The following PHC3 variants were observed in gnomAD, a reference collection of about 807,000 sequenced individuals.
PHC3 encodes the protein polyhomeotic-like protein 3.
PHC3 carries 13 observed loss-of-function variants against 107.4 expected under a neutral mutation model. The observed-to-expected ratio is 0.12, with a 90% CI of 0.08 to 0.19. The LOEUF (loss-of-function observed/expected upper bound fraction) is 0.19. PHC3 is among the 10% of genes least tolerant of loss of function. The pLI, the probability that PHC3 is intolerant of heterozygous loss-of-function variation, is 1.00. For synonymous variants in PHC3, 456 were observed against 427.4 expected (o/e 1.07, Z -0.83); for missense variants, 992 against 1,210.9 (o/e 0.82, Z 2.68).
chr3:170,120,591 A>G (rs1241869236), intron 9 of PHC3, among the ~76,000 whole-genome samples: 2 of 152,150 alleles, frequency 1.3e-5, no homozygotes, highest in Non-Finnish European at 2.9e-5. Context: ...AAACAATAAT[A>G]TAAAACTCAC....
chr3:170,177,358 C>A (rs555290895), intron 2 of PHC3, among the ~76,000 whole-genome samples: 130 of 152,218 alleles, frequency 8.5e-4, no homozygotes, highest in African/African-American at 2.7e-3. Context: ...AATGTAAGCC[C>A]TCTCAATACT....
At position 170,095,147 on chromosome 3, in the gene PHC3, G is replaced by C. The variant is rs918608841; in HGVS notation, c.*2083C>G. 1 of 152,038 alleles carries C rather than the reference G, an allele frequency of 6.6e-6. No homozygotes were observed. The highest frequency in any genetic ancestry group is 2.4e-5 in the African/African-American group (1 of 41,410). 9.4% of individuals were successfully genotyped at this position (152,038 alleles called of 1,614,324 possible). On this transcript the variant is annotated 3_prime_UTR_variant, in exon 15 of 15. Transcript: ENST00000495893. ...TTTGTGTTCTGAAATTCCAAGAAGAGGGAAAAGTCAAGCATATGACAATTC... is the reference window on the plus strand; with the variant it reads ...TTTGTGTTCTGAAATTCCAAGAAGACGGAAAAGTCAAGCATATGACAATTC...
chr3:170,179,330 C>T (rs919075810), intron 1 of PHC3, among the ~76,000 whole-genome samples: 6 of 152,260 alleles, frequency 3.9e-5, no homozygotes, highest in Middle Eastern at 3.4e-3. Context: ...CTTTTGACCA[C>T]ACTAATTACA....
In PHC3 at chr3:170,106,916, A is replaced by G; in HGVS notation, c.2384T>C (p.Leu795Pro). The G allele has an allele frequency of 1.2e-6, 2 of 1,611,138 alleles. No individual in the cohort carries two copies. The highest frequency in any genetic ancestry group is 1.7e-6 in the Non-Finnish European group (2 of 1,178,924). Residue 795 changes from leucine to proline, a missense_variant, in exon 12 of 15, where the codon CTC (leucine) becomes CCC (proline). Transcript: ENST00000495893. ...CATTTTCCCACAGAATTCACACTTGAGCAACTCACTGTCCATTTCTTCTAA... is the reference window on the plus strand; with the variant it reads ...CATTTTCCCACAGAATTCACACTTGGGCAACTCACTGTCCATTTCTTCTAA... ...ETLEEMDSEL[L>P]KCEFCGKMGY... is the part of the protein sequence containing the mutation.
chr3:170,115,877 T>TCACACACACACACACACACACA lies in PHC3; in HGVS notation c.2193+1327_2193+1348dup, dbSNP rs148039100. On this transcript the variant is annotated intron_variant, in intron 10 of 14. Coordinates refer to ENST00000495893, the MANE Select transcript of PHC3 (RefSeq NM_024947.4). ...AATTGTTATAGGAAATCCAAGTTTC[T>TCACACACACACACACACACACA]CACACACACACACACACACACACAC... is the stretch of plus-strand genomic sequence containing the variant. Among the ~76,000 whole-genome samples the TCACACACACACACACACACACA allele has an allele frequency of 4.0e-4, 59 of 148,572 alleles. No individual in the cohort carries two copies. The East Asian group carries it at 7.5e-3, about 19-fold the overall frequency.
rs1171160396 is a variant in PHC3 at position 170,093,786 on chromosome 3, G to A, written c.*3444C>T. 11 of 152,208 alleles carry A rather than the reference G, an allele frequency of 7.2e-5. No homozygotes were observed. Among genetic ancestry groups the A allele is most frequent in the Middle Eastern group, 6.8e-3 (2 of 294 alleles). The allele number at this position is 152,208 out of a possible 1,614,324, so 9.4% of individuals were successfully genotyped here. On this transcript the variant is annotated 3_prime_UTR_variant, in exon 15 of 15. Coordinates refer to ENST00000495893, the MANE Select transcript of PHC3 (RefSeq NM_024947.4). ...TACTTGATACATGAAGATAAGCTAC[G>A]TCAAAAATTATTCAAAGGCATGATC...
intron 10 of PHC3, among the ~76,000 whole-genome samples, chr3:170,115,680 C>T (rs987168821): frequency 6.6e-6 from 1 of 152,126 alleles, no homozygotes; most frequent in Non-Finnish European, 1.5e-5. Context: ...AGGTACCATA[C>T]AGAATAATTT....
chr3:170,101,867 A>G (rs1213332537), intron 14 of PHC3, among the ~76,000 whole-genome samples: 1 of 152,096 alleles, frequency 6.6e-6, no homozygotes, highest in Non-Finnish European at 1.5e-5. Context: ...AGTTACCCTC[A>G]ATATTAGAAT....
chr3:170,175,849 G>A, intron 2 of PHC3, among the ~76,000 whole-genome samples: 1 of 151,770 alleles, frequency 6.6e-6, no homozygotes, highest in Non-Finnish European at 1.5e-5. Context: ...GCTTGGACCA[G>A]GGAGGCAGAG....
intron 7 of PHC3, 45 bp from the exon 8 acceptor site, chr3:170,129,597 A>G: frequency 6.6e-7 from 1 of 1,519,908 alleles, no homozygotes; most frequent in South Asian, 1.3e-5. Flanking sequence ...TCAAAAATAC[A>G]GAAATTTTTA....
At chr3:170,134,331 A>C (rs1327198520) in intron 7 of PHC3, among the ~76,000 whole-genome samples, 1 of 151,956 alleles carries the variant, frequency 6.6e-6, no homozygotes, top group Non-Finnish European at 1.5e-5. Flanking sequence ...CTGGGACTAC[A>C]GGTGCCGGCC....
chr3:170,117,020 C>CTTAG, intron 10 of PHC3: 1 of 576,114 alleles, frequency 1.7e-6, no homozygotes, highest in Non-Finnish European at 2.8e-6. Flanking sequence ...CATTTTTTCC[C>CTTAG]TTAGTTTATG....
chr3:170,135,924 AGGT>A (rs1333375101), intron 7 of PHC3, among the ~76,000 whole-genome samples: 1 of 152,214 alleles, frequency 6.6e-6, no homozygotes, highest in East Asian at 1.9e-4. Context: ...ACAGTGACTC[AGGT>A]GATTGCCTGA....
rs946552585 is a variant in PHC3 at position 170,179,056 on chromosome 3, A to G, written c.15-118T>C. 4.2e-6 allele frequency: 4 copies of G among 946,214 alleles called. No homozygotes were observed. In the Admixed American group the frequency reaches 7.0e-5, roughly 16 times the overall value. 58.6% of individuals were successfully genotyped at this position (946,214 alleles called of 1,614,324 possible). On this transcript the variant is annotated intron_variant, in intron 1 of 14. Transcript: ENST00000495893. ...TAAACTGCTAGGAAGGCTCTCATAA[A>G]AGACAGCCAACACACAGTCACTATA...
chr3:170,108,454 T>G (rs1365410792), intron 11 of PHC3, among the ~76,000 whole-genome samples: 1 of 152,188 alleles, frequency 6.6e-6, no homozygotes, highest in Admixed American at 6.5e-5. Context: ...TACATTATCC[T>G]GAATAATGAA....
intron 6 of PHC3, 153 bp from the exon 7 acceptor site, chr3:170,136,818 G>A (rs1485100704): frequency 5.2e-6 from 4 of 771,690 alleles, no homozygotes; most frequent in Non-Finnish European, 5.8e-6. Context: ...AATCCTTAAG[G>A]AAAGGAGAGT....
At chr3:170,123,268 T>C (rs1297676925) in intron 8 of PHC3, among the ~76,000 whole-genome samples, 1 of 151,966 alleles carries the variant, frequency 6.6e-6, no homozygotes, top group Non-Finnish European at 1.5e-5. Flanking sequence ...AGATACGCAA[T>C]TATATCTCTC....
intron 11 of PHC3, among the ~76,000 whole-genome samples, chr3:170,109,894 T>C (rs1421025824): frequency 6.6e-6 from 1 of 152,180 alleles, no homozygotes. Context: ...CATTTTACAC[T>C]ATAGTACTTC....
intron 9 of PHC3, among the ~76,000 whole-genome samples, chr3:170,120,241 AT>A (rs1371816091): frequency 1.3e-5 from 2 of 152,202 alleles, no homozygotes; most frequent in Non-Finnish European, 2.9e-5. Flanking sequence ...AACCACAAAG[AT>A]TTAATACTAT....
Sources: allele counts gnomAD v4.1 joint callset (sites outside exome capture counted in the v4.1 genomes callset), GRCh38; gene constraint gnomAD v4.1.1; transcripts MANE v1.5; gene names NCBI Gene and HGNC (gene_info 2026-07-23, HGNC 2026-07-21).